FMN2: variants seen among roughly 807,000 people sequenced by gnomAD.
FMN2 encodes formin-2.
In FMN2, 51 loss-of-function variants were observed where a neutral mutation model predicts 142.3. That is an observed-to-expected ratio of 0.36 (90% CI 0.29 to 0.45). The LOEUF (loss-of-function observed/expected upper bound fraction) is 0.45. Ranked by LOEUF, FMN2 falls within the 20% of genes least tolerant of loss-of-function variation. The pLI is 1.00. For synonymous variants in FMN2, 882 were observed against 869.8 expected (o/e 1.01, Z -0.25); for missense variants, 1,936 against 2,122.8 (o/e 0.91, Z 1.73).
At chr1:240,249,800 C>T (rs1344346224) in intron 6 of FMN2, among the ~76,000 whole-genome samples, 1 of 152,056 alleles carries the variant, frequency 6.6e-6, no homozygotes, top group African/African-American at 2.4e-5. Context: ...GTTTTTCTTA[C>T]AGAGGTCTTC....
intron 15 of FMN2, among the ~76,000 whole-genome samples, chr1:240,422,120 T>C (rs986367753): frequency 1.3e-5 from 2 of 152,220 alleles, no homozygotes. Context: ...GTCTGTCTGT[T>C]CTTTTGCCAG....
Position 240,352,909 on chromosome 1 carries a change from A to T in FMN2, c.4766-2907A>T, listed in dbSNP as rs186567385. 2.6e-5 allele frequency among the ~76,000 whole-genome samples: 4 copies of T among 152,300 alleles called. No homozygotes were observed. The South Asian group carries it at 6.2e-4, about 24-fold the overall frequency. ...CTTGTCATCTGACCCATCCCTTTCTACATTTCTGACAAGCAGTCAGCTACT... is the reference window on the plus strand; with the variant it reads ...CTTGTCATCTGACCCATCCCTTTCTTCATTTCTGACAAGCAGTCAGCTACT... On this transcript the variant is annotated intron_variant, in intron 13 of 17. Transcript: ENST00000319653.
At chr1:240,408,830 G>T (rs887347890) in intron 15 of FMN2, among the ~76,000 whole-genome samples, 4 of 152,088 alleles carry the variant, frequency 2.6e-5, no homozygotes, top group African/African-American at 9.7e-5. Context: ...AGATTCTCCA[G>T]TGGTGTCTTA....
Position 240,433,957 on chromosome 1 carries a change from G to A in FMN2, c.4911-4104G>A, listed in dbSNP as rs74151680. Among the ~76,000 whole-genome samples, 876 of 152,180 alleles carry A rather than the reference G, an allele frequency of 5.8e-3. 11 individuals are homozygous for A. The highest frequency in any genetic ancestry group is 0.02 in the African/African-American group (813 of 41,508). ...TGGGATTCAGAGAAATTCCGAAATG[G>A]TCCTGCTTCTGTAGCTATCATTTTA... is the stretch of plus-strand genomic sequence containing the variant. On this transcript the variant is annotated intron_variant, in intron 15 of 17. Coordinates refer to ENST00000319653, the MANE Select transcript of FMN2 (RefSeq NM_020066.5).
intron 16 of FMN2, among the ~76,000 whole-genome samples, chr1:240,469,708 CT>C (rs1402468143): frequency 6.6e-6 from 1 of 152,214 alleles, no homozygotes; most frequent in Non-Finnish European, 1.5e-5. Context: ...TAAACCCAGC[CT>C]TCCCACCCAG....
chr1:240,356,689 G>A (rs1018175934), intron 14 of FMN2, among the ~76,000 whole-genome samples: 2 of 152,146 alleles, frequency 1.3e-5, no homozygotes, highest in Non-Finnish European at 2.9e-5. Context: ...AGTTCTTGCT[G>A]TTTCAGGAAT....
rs540554330 is a variant in FMN2, at chr1:240,219,798, G to T, written c.4065+8563G>T. Among the ~76,000 whole-genome samples the T allele has an allele frequency of 3.3e-5, 5 of 152,070 alleles. No homozygotes were observed. In the South Asian group the frequency reaches 1.0e-3, roughly 32 times the overall value. Reference sequence around the variant, plus strand: ...GCCTCCCACGTAGCTGGGACTCTAGGTGTGGGCCACCGAGCCTGGCTAACT... The same window carrying T: ...GCCTCCCACGTAGCTGGGACTCTAGTTGTGGGCCACCGAGCCTGGCTAACT... On this transcript the variant is annotated intron_variant, in intron 6 of 17. Transcript: ENST00000319653.
intron 7 of FMN2, among the ~76,000 whole-genome samples, chr1:240,284,973 T>A (rs1669535638): frequency 6.6e-6 from 1 of 152,134 alleles, no homozygotes; most frequent in South Asian, 2.1e-4. Context: ...GTTATTTGGA[T>A]GTTGGCCTTC....
At chr1:240,109,820 C>A (rs1196211881) in intron 1 of FMN2, among the ~76,000 whole-genome samples, 1 of 152,162 alleles carries the variant, frequency 6.6e-6, no homozygotes, top group African/African-American at 2.4e-5. Context: ...TGCATCTCTT[C>A]TACAAGAGTA....
intron 7 of FMN2, among the ~76,000 whole-genome samples, chr1:240,275,942 A>G (rs912916054): frequency 4.6e-5 from 7 of 152,082 alleles, no homozygotes; most frequent in South Asian, 2.1e-4. Context: ...GGGAAAGGGT[A>G]TTCTTAAGTA....
chr1:240,339,844 C>A lies in FMN2; in HGVS notation c.4765+5615C>A, dbSNP rs1460016460. 2.0e-5 allele frequency among the ~76,000 whole-genome samples: 3 copies of A among 151,844 alleles called. No homozygotes were observed. The East Asian group carries it at 5.8e-4, about 29-fold the overall frequency. On this transcript the variant is annotated intron_variant, in intron 13 of 17. Transcript: ENST00000319653. Reference sequence around the variant, plus strand: ...AGGATAATTTAATTTTATTTATTTACATATATATTCTATTAATATTTTCTT... The same window carrying A: ...AGGATAATTTAATTTTATTTATTTAAATATATATTCTATTAATATTTTCTT...
chr1:240,317,891 T>C (rs545399273), intron 8 of FMN2, among the ~76,000 whole-genome samples: 22 of 152,320 alleles, frequency 1.4e-4, no homozygotes, highest in African/African-American at 4.8e-4. Flanking sequence ...CCAATTTTGC[T>C]GCATCCCTGG....
At chr1:240,389,336 A>C (rs1445349160) in intron 14 of FMN2, among the ~76,000 whole-genome samples, 1 of 152,204 alleles carries the variant, frequency 6.6e-6, no homozygotes, top group African/African-American at 2.4e-5. Context: ...AATAACAATA[A>C]GTTGTTGCAA....
At chr1:240,126,061 C>G (rs996324458) in intron 2 of FMN2, among the ~76,000 whole-genome samples, 3 of 151,756 alleles carry the variant, frequency 2.0e-5, no homozygotes, top group African/African-American at 7.2e-5. Context: ...ATGCCCTATA[C>G]TTAAATAGCA....
intron 2 of FMN2, among the ~76,000 whole-genome samples, chr1:240,129,694 G>T (rs1356220189): frequency 1.3e-5 from 2 of 151,738 alleles, no homozygotes; most frequent in Non-Finnish European, 2.9e-5. Flanking sequence ...GTAGAGATGG[G>T]GTTTGGCCAT....
intron 2 of FMN2, among the ~76,000 whole-genome samples, chr1:240,136,439 C>T (rs879776383): frequency 4.6e-5 from 7 of 152,180 alleles, no homozygotes; most frequent in South Asian, 2.1e-4. Flanking sequence ...AAAACACACT[C>T]GTGGCAATCA....
intron 7 of FMN2, among the ~76,000 whole-genome samples, chr1:240,266,586 C>G (rs1668814228): frequency 6.6e-6 from 1 of 151,982 alleles, no homozygotes. Context: ...TATATATGTA[C>G]CATGTTTTCC....
chr1:240,249,493 T>C (rs1451016514), intron 6 of FMN2, among the ~76,000 whole-genome samples: 1 of 152,164 alleles, frequency 6.6e-6, no homozygotes, highest in Non-Finnish European at 1.5e-5. Flanking sequence ...CAGTTTTGAT[T>C]ACTATAACCT....
chr1:240,216,515 TTAAA>T (rs376665059), intron 6 of FMN2, among the ~76,000 whole-genome samples: 15 of 152,292 alleles, frequency 9.8e-5, no homozygotes, highest in African/African-American at 3.6e-4. Flanking sequence ...AGTATGACAG[TTAAA>T]TATTTGTTGG....
Sources: gnomAD v4.1 joint callset for allele counts (sites outside exome capture counted in the v4.1 genomes callset) on GRCh38, gnomAD v4.1.1 for gene constraint, MANE v1.5 for transcripts, NCBI Gene and HGNC (gene_info 2026-07-23, HGNC 2026-07-21) for gene names.